CELF2: variants seen among roughly 807,000 people sequenced by gnomAD.
CELF2 encodes the protein CUGBP Elav-like family member 2.
In CELF2, 8 loss-of-function variants were observed where a neutral mutation model predicts 62.6. That is an observed-to-expected ratio of 0.13 (90% confidence interval 0.07 to 0.23). The LOEUF (loss-of-function observed/expected upper bound fraction) is 0.23, where lower values mean the gene tolerates loss of function less well. CELF2 is among the 10% of genes least tolerant of loss of function. The pLI, the probability that CELF2 is intolerant of heterozygous loss-of-function variation, is 1.00. For missense variants in CELF2, 333 were observed against 671.0 expected, an observed-to-expected ratio of 0.50 and a Z score of 5.56; for synonymous variants, 258 against 250.0, an observed-to-expected ratio of 1.03 and a Z score of -0.30.
intron 3 of CELF2, among the ~76,000 whole-genome samples, chr10:11,218,702 A>G (rs1344875139): frequency 6.6e-6 from 1 of 152,250 alleles, no homozygotes; most frequent in Non-Finnish European, 1.5e-5. Flanking sequence ...TGGTCCCACA[A>G]TGGTCCTGCC....
intron 2 of CELF2, chr10:11,168,832 C>T (rs1392627608): frequency 6.6e-6 from 1 of 152,178 alleles, no homozygotes; most frequent in Non-Finnish European, 1.5e-5. Context: ...GCCTGAGATA[C>T]CTATATTCTC....
At chr10:10,611,725 C>T in the CELF2 span, among the ~76,000 whole-genome samples, 4 of 152,200 alleles carry the variant, frequency 2.6e-5, no homozygotes, top group Non-Finnish European at 4.4e-5. Flanking sequence ...TACATACACT[C>T]AAATACTCAC....
At chr10:10,781,522 C>T in the CELF2 span, among the ~76,000 whole-genome samples, 1 of 152,156 alleles carries the variant, frequency 6.6e-6, no homozygotes, top group South Asian at 2.1e-4. Flanking sequence ...TGCAGGGGAA[C>T]TGCCCTTTAT....
intron 5 of CELF2, among the ~76,000 whole-genome samples, chr10:11,264,894 C>T (rs2081738925): frequency 6.6e-6 from 1 of 152,238 alleles, no homozygotes; most frequent in South Asian, 2.1e-4. Context: ...GAACTTCATT[C>T]AGGCTTCTTC....
In CELF2 at chr10:11,008,343, A is replaced by G. The variant is rs550604707; in HGVS notation, c.53+2903A>G. ...GAATATTCACATAGATGTGTTCAGC[A>G]GACCACAGACTGAGATCTCTAACCC... On this transcript the variant is annotated intron_variant, in intron 1 of 12. Coordinates refer to the CELF2 transcript ENST00000416382. This position sits in a 1 kb window ranked among gnomAD's most constrained non-coding sequence, Gnocchi z 4.5. 2.6e-5 allele frequency among the ~76,000 whole-genome samples: 4 copies of G among 152,236 alleles called. No homozygotes were observed. Among genetic ancestry groups the G allele is most frequent in the Admixed American group, 1.3e-4 (2 of 15,282 alleles).
chr10:10,898,485 C>T (rs759109507), intron 1 of CELF2, among the ~76,000 whole-genome samples: 4 of 152,252 alleles, frequency 2.6e-5, no homozygotes, highest in Admixed American at 6.5e-5. Flanking sequence ...TAGTAGTAGA[C>T]GAAGTCAGTT....
chr10:10,567,933 A>G, the CELF2 span, among the ~76,000 whole-genome samples: 100 of 152,254 alleles, frequency 6.6e-4, no homozygotes, highest in African/African-American at 2.3e-3. Context: ...CCTACAATCC[A>G]TGATTAGGGT....
intron 1 of CELF2, among the ~76,000 whole-genome samples, chr10:11,164,663 CTTT>C (rs536182158): frequency 1.6e-4 from 22 of 141,112 alleles, no homozygotes; most frequent in Non-Finnish European, 1.7e-4. Flanking sequence ...TCTGGGGCTG[CTTT>C]TTTTTTTTTT....
the CELF2 span, among the ~76,000 whole-genome samples, chr10:10,478,891 C>G: frequency 1.1e-4 from 17 of 152,138 alleles, no homozygotes; most frequent in African/African-American, 3.4e-4. Flanking sequence ...GGTAAAAGCA[C>G]AAAGAGTAGG....
intron 1 of CELF2, among the ~76,000 whole-genome samples, chr10:11,036,587 GATAA>G (rs775874734): frequency 1.3e-5 from 2 of 152,206 alleles, no homozygotes; most frequent in Non-Finnish European, 2.9e-5. Context: ...AGAGATCCTA[GATAA>G]ATAAATGGGA....
At chr10:10,695,584 T>C in the CELF2 span, among the ~76,000 whole-genome samples, 5 of 151,636 alleles carry the variant, frequency 3.3e-5, no homozygotes, top group African/African-American at 7.3e-5. Flanking sequence ...TTCTCCTGGA[T>C]AATATCCTGC....
chr10:10,691,505 C>A, the CELF2 span, among the ~76,000 whole-genome samples: 2 of 151,708 alleles, frequency 1.3e-5, no homozygotes, highest in East Asian at 1.9e-4. Context: ...GATTTATAGT[C>A]CTTTGGGTAT....
intron 1 of CELF2, among the ~76,000 whole-genome samples, chr10:11,116,393 C>T (rs1205548775): frequency 6.6e-6 from 1 of 152,200 alleles, no homozygotes; most frequent in East Asian, 1.9e-4. Flanking sequence ...GAAGCCTGTG[C>T]ATGTTCACAC....
At position 11,323,318 on chromosome 10, in the gene CELF2, T is replaced by C. The variant is rs1456679871; in HGVS notation, c.1294+1932T>C. ...CTCCCACCTTGTCATAACTCTCTTC[T>C]GATCCCTTTCTCACCCAGTTAATAT... On this transcript the variant is annotated intron_variant, in intron 11 of 12. Coordinates refer to ENST00000633077, the MANE Select transcript of CELF2 (RefSeq NM_001326342.2). 2.0e-5 allele frequency among the ~76,000 whole-genome samples: 3 copies of C among 152,084 alleles called. No homozygotes were observed. In the East Asian group the frequency reaches 5.8e-4, roughly 29 times the overall value.
chr10:11,309,888 A>G lies in CELF2; in HGVS notation c.977-4251A>G, dbSNP rs1286189824. ...CAAATAATTAGTTATCCTTAGGGGA[A>G]GTTACAGAGCCCTTTGTTCTTGTGA... On this transcript the variant is annotated intron_variant, in intron 9 of 12. Transcript: ENST00000633077. This position sits in a 1 kb window ranked among gnomAD's most constrained non-coding sequence, Gnocchi z 5.6. 2.6e-5 allele frequency among the ~76,000 whole-genome samples: 4 copies of G among 152,352 alleles called. No individual in the cohort carries two copies. Among genetic ancestry groups the G allele is most frequent in the African/African-American group, 9.6e-5 (4 of 41,580 alleles).
chr10:10,879,148 C>T (rs1396341220), intron 1 of CELF2, among the ~76,000 whole-genome samples: 5 of 152,146 alleles, frequency 3.3e-5, no homozygotes, highest in African/African-American at 7.2e-5. Context: ...CAAGCCTGCA[C>T]GGCAGTGTAC....
At chr10:11,249,363 A>C (rs1294579186) in intron 4 of CELF2, among the ~76,000 whole-genome samples, 162 bp downstream of exon 4, 1 of 151,956 alleles carries the variant, frequency 6.6e-6, no homozygotes, top group East Asian at 1.9e-4. Flanking sequence ...GGAGTAATGC[A>C]CTCGCCACTC....
intron 2 of CELF2, chr10:10,966,617 C>T (rs925547433): frequency 6.6e-6 from 1 of 152,188 alleles, no homozygotes; most frequent in African/African-American, 2.4e-5. Flanking sequence ...CATTCTCCTT[C>T]CTTTCTGGAG....
chr10:10,657,722 G>T, the CELF2 span, among the ~76,000 whole-genome samples: 2 of 152,130 alleles, frequency 1.3e-5, no homozygotes, highest in Admixed American at 1.3e-4. Flanking sequence ...TTGGGAAGGA[G>T]AATATATTCC....
Sources: allele counts gnomAD v4.1 joint callset (sites outside exome capture counted in the v4.1 genomes callset), GRCh38; gene constraint gnomAD v4.1.1; non-coding constraint Gnocchi (gnomAD v3.1); transcripts MANE v1.5; gene names NCBI Gene and HGNC (gene_info 2026-07-23, HGNC 2026-07-21).